Variants in WDR72 observed in about 807,000 individuals in gnomAD.
WDR72 encodes the protein WD repeat domain 72, also known as WD repeat-containing protein 72.
Under a neutral mutation model 124.2 loss-of-function variants are expected in WDR72, and 120 were observed. The ratio of observed to expected loss-of-function variants is 0.97; its 90% confidence interval spans 0.83 to 1.12. The LOEUF (loss-of-function observed/expected upper bound fraction) is 1.12. WDR72 is among the 50% of genes most tolerant of loss of function. The pLI, the probability that WDR72 is intolerant of heterozygous loss-of-function variation, is 0.00. For missense variants in WDR72, 1,387 were observed against 1,278.8 expected (o/e 1.08, Z -1.29); for synonymous variants, 452 against 441.7 (o/e 1.02, Z -0.29).
At chr15:53,656,193 C>T (rs1005701605) in intron 14 of WDR72, among the ~76,000 whole-genome samples, 1 of 152,050 alleles carries the variant, frequency 6.6e-6, no homozygotes, top group African/African-American at 2.4e-5. Flanking sequence ...AAAGATTATG[C>T]AGGATATTTT....
At chr15:53,686,156 T>C (rs7179450) in intron 13 of WDR72, among the ~76,000 whole-genome samples, 75,321 of 137,672 alleles carry the variant, frequency 0.55, 21,518 homozygotes, top group East Asian at 0.8. Context: ...CATCAACTAA[T>C]GAGCAAAATC....
At chr15:53,536,216 C>T (rs943331266) in intron 18 of WDR72, among the ~76,000 whole-genome samples, 1 of 152,050 alleles carries the variant, frequency 6.6e-6, no homozygotes, top group Non-Finnish European at 1.5e-5. Context: ...CAGTCACCCT[C>T]CAAAGGAAAA....
Position 53,590,981 on chromosome 15 carries a change from T to C in WDR72, c.3148+6098A>G, listed in dbSNP as rs114989149. ...CATGGGTTTCTTGCTAATGTCCAGG[T>C]TTCTCATTCATGCATTTCTTAGTCA... On this transcript the variant is annotated intron_variant, in intron 18 of 19. Transcript: ENST00000360509. Among the ~76,000 whole-genome samples the C allele has an allele frequency of 2.3e-3, 346 of 152,146 alleles. 2 individuals carry two copies. The highest frequency in any genetic ancestry group is 8.1e-3 in the African/African-American group (335 of 41,544).
intron 14 of WDR72, among the ~76,000 whole-genome samples, chr15:53,645,826 T>A (rs2015021380): frequency 6.6e-6 from 1 of 152,172 alleles, no homozygotes; most frequent in African/African-American, 2.4e-5. Flanking sequence ...TTTGAATATT[T>A]TGAAATTGCT....
rs147902451 is a variant in WDR72 at position 53,714,181 on chromosome 15, CTG to C, written c.591+251_591+252del. The stretch of plus-strand genomic sequence containing the variant: ...TTAAAAGATTAAAAATGTAATCTTT[CTG>C]TGTGTGTGTGTGTGTGTGTGTAAAT... On this transcript the variant is annotated intron_variant, in intron 6 of 19. Transcript: ENST00000360509. Among the ~76,000 whole-genome samples, 191 of 150,436 alleles carry C rather than the reference CTG, an allele frequency of 1.3e-3. 3 individuals are homozygous for C. In the South Asian group the frequency reaches 0.02, roughly 16 times the overall value.
chr15:53,756,461 G>T (rs34324655), intron 1 of WDR72, among the ~76,000 whole-genome samples: 2,879 of 152,214 alleles, frequency 0.019, 30 homozygotes, highest in Middle Eastern at 0.037. Flanking sequence ...ACTCACTGCC[G>T]ACTCACAAGC....
intron 14 of WDR72, among the ~76,000 whole-genome samples, chr15:53,660,869 T>G (rs182897221): frequency 8.1e-4 from 123 of 152,208 alleles, no homozygotes; most frequent in African/African-American, 2.8e-3. Context: ...AGTGCAGAGG[T>G]TGGGATAAGT....
chr15:53,547,922 A>C (rs12910725), intron 18 of WDR72, among the ~76,000 whole-genome samples: 10 of 152,014 alleles, frequency 6.6e-5, no homozygotes, highest in Non-Finnish European at 8.8e-5. Flanking sequence ...GGTAGCAGTA[A>C]ATGCTGGACA....
chr15:53,573,143 A>C (rs1343446587), intron 18 of WDR72, among the ~76,000 whole-genome samples: 1 of 152,194 alleles, frequency 6.6e-6, no homozygotes, highest in African/African-American at 2.4e-5. Context: ...GTCACATTCA[A>C]ACTTCTAGTG....
chr15:53,592,736 G>A (rs1391133955), intron 18 of WDR72, among the ~76,000 whole-genome samples: 3 of 151,902 alleles, frequency 2.0e-5, no homozygotes, highest in Non-Finnish European at 4.4e-5. Context: ...TTTATTTAAT[G>A]GAACAATTTA....
chr15:53,741,190 C>T (rs2018499396), intron 1 of WDR72, among the ~76,000 whole-genome samples: 3 of 152,124 alleles, frequency 2.0e-5, no homozygotes, highest in Admixed American at 2.0e-4. Context: ...AAACATCCCC[C>T]CATTCAAATA....
chr15:53,759,829 A>T (rs1188761715), upstream of WDR72, among the ~76,000 whole-genome samples: 1 of 148,154 alleles, frequency 6.7e-6, no homozygotes, highest in Admixed American at 6.7e-5. Flanking sequence ...TGCAACCTGG[A>T]CCCGCTGCCT....
At chr15:53,527,445 G>A (rs1268591316) in intron 18 of WDR72, among the ~76,000 whole-genome samples, 8 of 151,922 alleles carry the variant, frequency 5.3e-5, no homozygotes, top group Admixed American at 1.3e-4. Context: ...CTCCATCCAC[G>A]TCCACAAACA....
chr15:53,733,776 G>C (rs2018273041), intron 1 of WDR72, among the ~76,000 whole-genome samples: 1 of 152,002 alleles, frequency 6.6e-6, no homozygotes. Context: ...ACATTCATAT[G>C]TTAGTTACAA....
chr15:53,672,189 T>A (rs1453278256), intron 13 of WDR72, among the ~76,000 whole-genome samples: 1 of 152,050 alleles, frequency 6.6e-6, no homozygotes, highest in African/African-American at 2.4e-5. Context: ...GATGTTTCTA[T>A]TACGGTAAAG....
At chr15:53,739,655 G>C (rs2018454543) in intron 1 of WDR72, among the ~76,000 whole-genome samples, 1 of 152,010 alleles carries the variant, frequency 6.6e-6, no homozygotes, top group Non-Finnish European at 1.5e-5. Flanking sequence ...TTAACATTCT[G>C]CTCCTAAGAA....
At chr15:53,654,267 T>A (rs979074320) in intron 14 of WDR72, among the ~76,000 whole-genome samples, 1 of 152,224 alleles carries the variant, frequency 6.6e-6, no homozygotes, top group African/African-American at 2.4e-5. Flanking sequence ...CATTCATACA[T>A]AACGAGACTT....
chr15:53,740,528 C>G (rs138263211), intron 1 of WDR72, among the ~76,000 whole-genome samples: 107 of 152,216 alleles, frequency 7.0e-4, no homozygotes, highest in African/African-American at 2.5e-3. Flanking sequence ...AATCTCCTGA[C>G]CTCGTGATCC....
intron 9 of WDR72, among the ~76,000 whole-genome samples, chr15:53,706,350 GTATATATA>G (rs56246540): frequency 0.015 from 378 of 25,660 alleles, no homozygotes; most frequent in African/African-American, 0.052. Context: ...GTGTGTGTGT[GTATATATA>G]TATATATATA....
Sources: gnomAD v4.1 joint callset for allele counts (sites outside exome capture counted in the v4.1 genomes callset) on GRCh38, gnomAD v4.1.1 for gene constraint, MANE v1.5 for transcripts, NCBI Gene and HGNC (gene_info 2026-07-23, HGNC 2026-07-21) for gene names.